ATXN2: variants seen among roughly 807,000 people sequenced by gnomAD.
ATXN2 encodes the protein ataxin 2, also known as ataxin-2.
Under a neutral mutation model 138.6 loss-of-function variants are expected in ATXN2, and 37 were observed. The ratio of observed to expected loss-of-function variants is 0.27; its 90% CI spans 0.21 to 0.35. The LOEUF (loss-of-function observed/expected upper bound fraction) is 0.35, where lower values mean the gene tolerates loss of function less well. Ranked by LOEUF, ATXN2 falls within the 10% of genes least tolerant of loss-of-function variation. The pLI is 1.00. For missense variants in ATXN2, 1,216 were observed against 1,480.3 expected (o/e 0.82, Z 2.93); for synonymous variants, 549 against 543.7 (o/e 1.01, Z -0.13).
chr12:111,467,271 T>C (rs1055432056), intron 20 of ATXN2, among the ~76,000 whole-genome samples: 10 of 147,852 alleles, frequency 6.8e-5, no homozygotes, highest in African/African-American at 2.3e-4. Flanking sequence ...GCTTCCTGTG[T>C]AGGTGGGACT....
chr12:111,581,379 A>G (rs1883995880), intron 1 of ATXN2: 2 of 665,174 alleles, frequency 3.0e-6, no homozygotes, highest in South Asian at 3.0e-5. Context: ...CCTGGACACC[A>G]TGAACCACAA....
intron 5 of ATXN2, among the ~76,000 whole-genome samples, chr12:111,550,810 G>C (rs1217256153): frequency 6.6e-6 from 1 of 152,122 alleles, no homozygotes; most frequent in Non-Finnish European, 1.5e-5. Context: ...CAAGCAAAGA[G>C]AAAGACTCCT....
chr12:111,521,434 G>A (rs1260604943), intron 6 of ATXN2, among the ~76,000 whole-genome samples: 1 of 152,196 alleles, frequency 6.6e-6, no homozygotes, highest in African/African-American at 2.4e-5. Context: ...TACTTCCAAT[G>A]TTTGGGAGAA....
chr12:111,581,146 A>G (rs1351407632), intron 1 of ATXN2, among the ~76,000 whole-genome samples: 2 of 152,000 alleles, frequency 1.3e-5, no homozygotes, highest in African/African-American at 4.8e-5. Flanking sequence ...AAAAAAAAAA[A>G]AAAAAAAAGA....
At chr12:111,585,976 T>C (rs1045412250) in intron 1 of ATXN2, among the ~76,000 whole-genome samples, 2 of 151,946 alleles carry the variant, frequency 1.3e-5, no homozygotes, top group Non-Finnish European at 2.9e-5. Flanking sequence ...CAATCATGGC[T>C]CACCTCGACA....
At chr12:111,522,722 G>T (rs1238997674) in intron 6 of ATXN2, among the ~76,000 whole-genome samples, 1 of 151,606 alleles carries the variant, frequency 6.6e-6, no homozygotes, top group Non-Finnish European at 1.5e-5. Flanking sequence ...GGACCAGCCT[G>T]GCCAACATGT....
rs762861593 is a variant in ATXN2 at position 111,598,951 on chromosome 12, CT to C, written c.83del (p.Gln28ArgfsTer18). The C allele has an allele frequency of 3.5e-3, 82 of 23,570 alleles. No individual in the cohort carries two copies. The highest frequency in any genetic ancestry group is 0.029 in the East Asian group (4 of 140). 1.5% of individuals were successfully genotyped at this position (23,570 alleles called of 1,614,324 possible). A position where few individuals can be genotyped will look rare whatever the true frequency, so the allele number is the denominator to read the frequency against. The part of the protein sequence containing the change: ...QQQQQQQQQQ[Q>X]PPPAAANVRK... ...GGACATTGGCAGCCGCGGGCGGCGG[CT>C]GCTGCTGCTGCTGCTGCTGCTGCTG... On this transcript the variant is annotated frameshift_variant, in exon 1 of 25. Coordinates refer to ENST00000673436, the MANE Select transcript of ATXN2 (RefSeq NM_001372574.1). LOFTEE classifies it high-confidence loss of function. The surrounding 1 kb of genome is among the most constrained non-coding windows in gnomAD (Gnocchi z 4.5).
At position 111,453,526 on chromosome 12, in the gene ATXN2, TGATC is replaced by T; in HGVS notation, c.3439+147_3439+150del. The stretch of plus-strand genomic sequence containing the variant: ...GAAGCCTCAGGCCCTGATGCTGAAC[TGATC>T]GTCACAGTCCCTCCTGTGCACACTC... On this transcript the variant is annotated intron_variant, in intron 24 of 24. Transcript: ENST00000673436. This position sits in a 1 kb window ranked among gnomAD's most constrained non-coding sequence, Gnocchi z 5.4. The T allele has an allele frequency of 7.2e-7, 1 of 1,387,984 alleles. No individual in the cohort carries two copies. Among genetic ancestry groups the T allele is most frequent in the East Asian group, 2.8e-5 (1 of 35,816 alleles). 86.0% of individuals were successfully genotyped at this position (1,387,984 alleles called of 1,614,324 possible). A position where few individuals can be genotyped will look rare whatever the true frequency, so the allele number is the denominator to read the frequency against.
In ATXN2 at chr12:111,519,860, C is replaced by T. The variant is rs372424972; in HGVS notation, c.986+19G>A. ...GAGTTGTGTATCCAAAATACTGCAT[C>T]ATGATTTCCTTTAAATACCTAGTGT... is the stretch of plus-strand genomic sequence containing the variant. On this transcript the variant is annotated intron_variant, in intron 8 of 24. Transcript: ENST00000673436. The T allele has an allele frequency of 3.4e-5, 55 of 1,614,022 alleles. No individual in the cohort carries two copies. Among genetic ancestry groups the T allele is most frequent in the Non-Finnish European group, 4.4e-5 (52 of 1,180,014 alleles).
At chr12:111,534,355 C>T (rs1302914358) in intron 5 of ATXN2, among the ~76,000 whole-genome samples, 1 of 151,922 alleles carries the variant, frequency 6.6e-6, no homozygotes, top group Non-Finnish European at 1.5e-5. Context: ...GAGCCAAGAT[C>T]TGCATCACCA....
chr12:111,546,661 A>G (rs2135778591), intron 5 of ATXN2, among the ~76,000 whole-genome samples: 1 of 152,318 alleles, frequency 6.6e-6, no homozygotes, highest in South Asian at 2.1e-4. Context: ...AAGGAAAAAA[A>G]TAGAGGAGAA....
At chr12:111,494,425 CTTTTT>C (rs757341708) in intron 14 of ATXN2, among the ~76,000 whole-genome samples, 2 of 133,750 alleles carry the variant, frequency 1.5e-5, no homozygotes, top group Non-Finnish European at 1.6e-5. Context: ...TATGTGATCT[CTTTTT>C]TTTTTTTTTT....
Position 111,453,200 on chromosome 12 carries a change from A to G in ATXN2, c.3440-360T>C. ...GGCAGCCATCAAGTAGTAGAGCACA[A>G]TCACAGGGCGCTCTCCCCTGTTCAG... On this transcript the variant is annotated intron_variant, in intron 24 of 24. Coordinates refer to ENST00000673436, the MANE Select transcript of ATXN2 (RefSeq NM_001372574.1). This position sits in a 1 kb window ranked among gnomAD's most constrained non-coding sequence, Gnocchi z 5.4. 9.1e-7 allele frequency: 1 copy of G among 1,099,814 alleles called. No homozygotes were observed. 68.1% of individuals were successfully genotyped at this position (1,099,814 alleles called of 1,614,324 possible).
At chr12:111,577,256 A>ATTATTTAT (rs151038991) in intron 1 of ATXN2, among the ~76,000 whole-genome samples, 6 of 151,494 alleles carry the variant, frequency 4.0e-5, no homozygotes, top group Non-Finnish European at 8.8e-5. Context: ...GCATGTTTCA[A>ATTATTTAT]TTATTTATTT....
intron 1 of ATXN2, chr12:111,597,789 T>C: frequency 1.7e-6 from 2 of 1,144,342 alleles, no homozygotes; most frequent in Non-Finnish European, 1.2e-6. Flanking sequence ...CCTGCTGCAA[T>C]CTCTCTCTCC....
intron 5 of ATXN2, among the ~76,000 whole-genome samples, chr12:111,535,548 G>C (rs1294221140): frequency 1.3e-5 from 2 of 152,020 alleles, no homozygotes; most frequent in Admixed American, 1.3e-4. Context: ...CTGGAACCCG[G>C]GAGGCAGAGG....
chr12:111,579,437 T>G (rs556621148), intron 1 of ATXN2, among the ~76,000 whole-genome samples: 66 of 151,888 alleles, frequency 4.3e-4, no homozygotes, highest in Non-Finnish European at 7.1e-4. Context: ...TAATTTTGTA[T>G]TTTTAGTAGA....
In ATXN2 at chr12:111,457,199, C is replaced by CT; in HGVS notation, c.3042+14dup. 2 of 1,607,688 alleles carry CT rather than the reference C, an allele frequency of 1.2e-6. No homozygotes were observed. Among genetic ancestry groups the CT allele is most frequent in the South Asian group, 1.1e-5 (1 of 90,158 alleles). On this transcript the variant is annotated intron_variant, in intron 22 of 24. Transcript: ENST00000673436. ...TAAAGAAGCCACTCCATGCAGACCTCTGAGTTGCCCTTACCTGAACAGGAC... is the reference window on the plus strand; with the variant it reads ...TAAAGAAGCCACTCCATGCAGACCTCTTGAGTTGCCCTTACCTGAACAGGAC...
intron 18 of ATXN2, chr12:111,471,145 C>T (rs1166296057): frequency 5.1e-6 from 1 of 197,068 alleles, no homozygotes; most frequent in Non-Finnish European, 1.1e-5. Context: ...ACCAAAGAGC[C>T]AAAACAGATC....
Sources: gnomAD v4.1 joint callset for allele counts (sites outside exome capture counted in the v4.1 genomes callset) on GRCh38, gnomAD v4.1.1 for gene constraint, Gnocchi (gnomAD v3.1) non-coding constraint, MANE v1.5 for transcripts, NCBI Gene and HGNC (gene_info 2026-07-23, HGNC 2026-07-21) for gene names.